The following SCARB2 variants were observed in gnomAD, a reference collection of about 807,000 sequenced individuals.
SCARB2 encodes lysosome membrane protein 2.
SCARB2 carries 29 observed loss-of-function variants against 58.6 expected under a neutral mutation model. The observed-to-expected ratio is 0.49, with a 90% CI of 0.37 to 0.67. The LOEUF is 0.67. SCARB2 is among the 30% of genes least tolerant of loss of function. SCARB2 has a pLI of 0.00. For synonymous variants in SCARB2, 195 were observed against 210.1 expected, an observed-to-expected ratio of 0.93 and a Z score of 0.62; for missense variants, 488 against 578.5, an observed-to-expected ratio of 0.84 and a Z score of 1.60.
intron 10 of SCARB2, chr4:76,166,034 T>A (rs1436887372): frequency 1.6e-6 from 1 of 625,930 alleles, no homozygotes; most frequent in South Asian, 1.9e-5. Flanking sequence ...AATAGTGTTC[T>A]TGAGAAGGAA....
intron 2 of SCARB2, chr4:76,195,482 C>T: frequency 1.8e-6 from 1 of 559,716 alleles, no homozygotes; most frequent in Non-Finnish European, 3.2e-6. Flanking sequence ...GAGGAAACCG[C>T]TGCACTTCAA....
chr4:76,233,256 G>T (rs548448958), intron 1 of SCARB2, among the ~76,000 whole-genome samples: 11 of 150,050 alleles, frequency 7.3e-5, no homozygotes, highest in Admixed American at 2.0e-4. Context: ...TTAATTAAGG[G>T]TGTGGTTAGT....
intron 1 of SCARB2, among the ~76,000 whole-genome samples, chr4:76,211,861 G>C (rs555513146): frequency 6.6e-6 from 1 of 152,298 alleles, no homozygotes; most frequent in South Asian, 2.1e-4. Context: ...GGATTGAGCA[G>C]CTCTGAAAGT....
At chr4:76,188,070 C>A (rs1732524572) in intron 2 of SCARB2, among the ~76,000 whole-genome samples, 1 of 152,130 alleles carries the variant, frequency 6.6e-6, no homozygotes, top group South Asian at 2.1e-4. Context: ...GTAAATACTT[C>A]TTAGAAATAC....
At chr4:76,162,476 G>A (rs1365415529) in intron 11 of SCARB2, 4 of 153,060 alleles carry the variant, frequency 2.6e-5, no homozygotes, top group Admixed American at 6.5e-5. Flanking sequence ...CTCATTGCAG[G>A]TATTCAGGTT....
exon 1 of SCARB2, chr4:76,234,458 G>A (rs922697862): frequency 6.6e-6 from 1 of 152,204 alleles, no homozygotes; most frequent in Non-Finnish European, 1.5e-5. Context: ...AGGAAGAAAA[G>A]GAAGAAACAG....
At chr4:76,179,219 A>C (rs986928264) in intron 4 of SCARB2, 2 of 375,478 alleles carry the variant, frequency 5.3e-6, no homozygotes, top group African/African-American at 4.2e-5. Context: ...ACAGCTGGCT[A>C]ATTTTTGTAT....
At chr4:76,221,566 C>T (rs1285020450) in intron 1 of SCARB2, among the ~76,000 whole-genome samples, 9 of 152,118 alleles carry the variant, frequency 5.9e-5, no homozygotes, top group African/African-American at 1.7e-4. Context: ...GTGATCCATC[C>T]GCCTTGGCTT....
At chr4:76,193,105 C>G (rs1732640020) in intron 2 of SCARB2, 1 of 152,440 alleles carries the variant, frequency 6.6e-6, no homozygotes, top group Non-Finnish European at 1.5e-5. Context: ...CACATCCCAG[C>G]CACTCCAGCT....
chr4:76,229,081 G>C (rs1200335540), intron 1 of SCARB2, among the ~76,000 whole-genome samples: 1 of 151,962 alleles, frequency 6.6e-6, no homozygotes, highest in African/African-American at 2.4e-5. Context: ...CAAAAGCCTT[G>C]TTTTCAAGCT....
chr4:76,179,026 A>T (rs535830980), intron 4 of SCARB2: 24 of 160,794 alleles, frequency 1.5e-4, no homozygotes, highest in Non-Finnish European at 2.9e-4. Flanking sequence ...ACTGCACTCC[A>T]GGGTTTTTGT....
In SCARB2 at chr4:76,174,218, T is replaced by G. The variant is rs769096895; in HGVS notation, c.920A>C (p.Asp307Ala). ...CTCAGGTATACAGAAGCCGGCATTG[T>G]CTGACGTATTGGCTAATATTTCTGC... ...VPAEILANTS[D>A]NAGFCIPEGN... The change falls in exon 7 of 12, where the codon GAC becomes GCC. Residue 307 changes from aspartate to alanine, a missense_variant. Transcript: ENST00000264896. The G allele has an allele frequency of 1.4e-5, 22 of 1,614,124 alleles. No individual in the cohort carries two copies. Among genetic ancestry groups the G allele is most frequent in the Non-Finnish European group, 1.8e-5 (21 of 1,180,052 alleles).
intron 1 of SCARB2, among the ~76,000 whole-genome samples, chr4:76,228,496 G>T (rs1210707913): frequency 6.6e-6 from 1 of 150,808 alleles, no homozygotes; most frequent in African/African-American, 2.4e-5. Context: ...AAAAAAGAAA[G>T]AAAGAAAAAA....
chr4:76,206,944 G>A lies in SCARB2; in HGVS notation c.117+6483C>T, dbSNP rs1016607682. On this transcript the variant is annotated intron_variant, in intron 1 of 11. Transcript: ENST00000264896. ...CAAAGACACACCAAGCAAAATCCTG[G>A]TTGTTTGAAAACATTAACAAGATAG... Among the ~76,000 whole-genome samples the A allele has an allele frequency of 2.0e-5, 3 of 152,048 alleles. No homozygotes were observed. The South Asian group carries it at 6.2e-4, about 32-fold the overall frequency.
intron 2 of SCARB2, among the ~76,000 whole-genome samples, chr4:76,187,005 T>TA (rs148058017): frequency 0.021 from 3,251 of 152,202 alleles, 125 homozygotes; most frequent in African/African-American, 0.074. Context: ...CTCTTTATGT[T>TA]AAAAAAATTT....
At position 76,161,734 on chromosome 4, in the gene SCARB2, T is replaced by G. The variant is rs1191433680; in HGVS notation, c.1416A>C (p.Arg472Ser). 1 of 1,613,994 alleles carries G rather than the reference T, an allele frequency of 6.2e-7. No individual in the cohort carries two copies. The highest frequency in any genetic ancestry group is 1.3e-5 in the African/African-American group (1 of 74,904). ...ATGTTTAGGTTCGAATGAGGGGTGC[T>G]CTTTCATCCGCTGTTCCCTGAAACA... ...GSMDEGTADE[R>S]APLIRT The change falls in exon 12 of 12, where the codon AGA (arginine) becomes AGC (serine). Residue 472 changes from arginine (R) to serine (S), a missense_variant. Coordinates refer to ENST00000264896, the MANE Select transcript of SCARB2 (RefSeq NM_005506.4).
At chr4:76,225,439 T>C (rs1317954965) in intron 1 of SCARB2, among the ~76,000 whole-genome samples, 1 of 152,240 alleles carries the variant, frequency 6.6e-6, no homozygotes, top group African/African-American at 2.4e-5. Flanking sequence ...ATAGCAGTGA[T>C]GAAAATGGGC....
chr4:76,184,781 C>T (rs1423436561), intron 2 of SCARB2: 1 of 350,774 alleles, frequency 2.9e-6, no homozygotes. Context: ...GACTTTGTCT[C>T]TACCAAAAAA....
At chr4:76,181,507 T>C (rs1326627107) in intron 2 of SCARB2, among the ~76,000 whole-genome samples, 1 of 152,208 alleles carries the variant, frequency 6.6e-6, no homozygotes, top group Admixed American at 6.5e-5. Context: ...TACATTGAAT[T>C]AAATTGAAAT....
Sources: allele counts gnomAD v4.1 joint callset (sites outside exome capture counted in the v4.1 genomes callset), GRCh38; gene constraint gnomAD v4.1.1; transcripts MANE v1.5; gene names NCBI Gene and HGNC (gene_info 2026-07-23, HGNC 2026-07-21).